Variants in FNBP4 observed in about 807,000 individuals in gnomAD.
FNBP4 encodes the protein formin-binding protein 4.
In FNBP4, 34 loss-of-function variants were observed where a neutral mutation model predicts 119.3. The ratio of observed to expected loss-of-function variants is 0.28; its 90% CI spans 0.22 to 0.38. FNBP4 has a LOEUF of 0.38. Among genes scored for constraint, FNBP4 ranks in the 10% least tolerant of loss-of-function variants. The pLI, the probability that FNBP4 is intolerant of heterozygous loss-of-function variation, is 1.00. For missense variants in FNBP4, 1,112 were observed against 1,228.9 expected, an observed-to-expected ratio of 0.90 and a Z score of 1.42; for synonymous variants, 462 against 430.6, an observed-to-expected ratio of 1.07 and a Z score of -0.90.
rs1421603411 is a variant in FNBP4, at chr11:47,732,982, G to A, written c.1687-312C>T. ...AAAATACAAAAATTAGCTGGGCTTG[G>A]TGGCAGGCGCCTGTAATCCCAGCTA... On this transcript the variant is annotated intron_variant, in intron 10 of 16. Coordinates refer to ENST00000263773, the MANE Select transcript of FNBP4 (RefSeq NM_015308.5). This position sits in a 1 kb window ranked among gnomAD's most constrained non-coding sequence, Gnocchi z 4.2. Among the ~76,000 whole-genome samples, 2 of 152,274 alleles carry A rather than the reference G, an allele frequency of 1.3e-5. No individual in the cohort carries two copies. The highest frequency in any genetic ancestry group is 3.9e-4 in the East Asian group (2 of 5,162).
intron 13 of FNBP4, 44 bp from the exon 14 acceptor site, chr11:47,724,216 A>G (rs779672201): frequency 6.2e-7 from 1 of 1,606,526 alleles, no homozygotes; most frequent in Non-Finnish European, 8.5e-7. Flanking sequence ...GGCCATGGTT[A>G]AACATAGCCC....
intron 8 of FNBP4, among the ~76,000 whole-genome samples, chr11:47,740,172 TG>T (rs1339349410): frequency 6.6e-6 from 1 of 151,690 alleles, no homozygotes; most frequent in Non-Finnish European, 1.5e-5. Flanking sequence ...CCAAGCACTT[TG>T]GGAGGCAGAG....
At chr11:47,742,123 A>G (rs2097582901) in intron 8 of FNBP4, among the ~76,000 whole-genome samples, 1 of 152,190 alleles carries the variant, frequency 6.6e-6, no homozygotes, top group Admixed American at 6.6e-5. Flanking sequence ...ACACTCATAC[A>G]TACCTAACTG....
chr11:47,738,800 C>G lies in FNBP4; in HGVS notation c.1457-2060G>C, dbSNP rs181009693. The stretch of plus-strand genomic sequence containing the variant: ...GGTTCAAGCAATTCTCCTGCCTCAG[C>G]CTTCCAAGTAGCTGGGGCTTCAGGT... On this transcript the variant is annotated intron_variant, in intron 8 of 16. Coordinates refer to ENST00000263773, the MANE Select transcript of FNBP4 (RefSeq NM_015308.5). 5.4e-3 allele frequency among the ~76,000 whole-genome samples: 814 copies of G among 149,592 alleles called. 4 individuals carry two copies. Among genetic ancestry groups the G allele is most frequent in the Middle Eastern group, 0.011 (3 of 272 alleles).
intron 2 of FNBP4, among the ~76,000 whole-genome samples, chr11:47,762,270 T>C (rs1013372996): frequency 2.0e-5 from 3 of 151,968 alleles, no homozygotes; most frequent in African/African-American, 7.3e-5. Context: ...TAGCTGGGAC[T>C]ACAGGTGCGT....
chr11:47,744,084 G>C lies in FNBP4; in HGVS notation c.1325C>G (p.Ser442Cys). ...CATAAGCCTACGCATTCCATCTTGA[G>C]ATGCTGGCTGGCTGATATCAGAACG... Reference protein sequence around the residue: ...SPRSDISQPASQDGMRRLMSK... With the variant: ...SPRSDISQPACQDGMRRLMSK... Residue 442 changes from serine to cysteine, a missense_variant, in exon 8 of 17, where the codon TCT (serine) becomes TGT (cysteine). Around this residue, in one of 2 missense-constraint regions of FNBP4, gnomAD observed 826 missense variants for 988.8 expected, o/e 0.84. Coordinates refer to ENST00000263773, the MANE Select transcript of FNBP4 (RefSeq NM_015308.5). The C allele has an allele frequency of 3.1e-6, 5 of 1,614,072 alleles. No homozygotes were observed. Among genetic ancestry groups the C allele is most frequent in the Non-Finnish European group, 4.2e-6 (5 of 1,180,016 alleles).
intron 8 of FNBP4, among the ~76,000 whole-genome samples, chr11:47,741,040 T>G (rs2097581257): frequency 6.6e-6 from 1 of 151,268 alleles, no homozygotes; most frequent in South Asian, 2.1e-4. Context: ...CAGCCTATTT[T>G]GCAGTTTTGG....
intron 8 of FNBP4, among the ~76,000 whole-genome samples, chr11:47,742,559 T>C (rs1254020567): frequency 6.7e-6 from 1 of 148,182 alleles, no homozygotes; most frequent in Non-Finnish European, 1.5e-5. Context: ...ATTTACAGAA[T>C]TTTCCTTTAT....
At chr11:47,749,096 A>AAAACAAAC (rs10688485) in intron 6 of FNBP4, among the ~76,000 whole-genome samples, 2,048 of 149,382 alleles carry the variant, frequency 0.014, 15 homozygotes, top group Non-Finnish European at 0.016. Context: ...CGTCTCTCAA[A>AAAACAAAC]AAACAAACAA....
intron 12 of FNBP4, chr11:47,729,826 C>T (rs1362702820): frequency 1.0e-6 from 1 of 985,402 alleles, no homozygotes; most frequent in South Asian, 4.7e-5. Flanking sequence ...GCTCTTAAAT[C>T]TCACAGAACT....
chr11:47,765,405 A>AAAAGAAAAGAAAAG, intron 1 of FNBP4, 43 bp from the exon 2 acceptor site: 1 of 1,379,662 alleles, frequency 7.2e-7, no homozygotes, highest in Non-Finnish European at 1.0e-6. Flanking sequence ...AAAAGAAAAG[A>AAAAGAAAAGAAAAG]AAAGAAAAGA....
chr11:47,728,025 T>C (rs532642430), intron 12 of FNBP4, among the ~76,000 whole-genome samples: 31 of 149,262 alleles, frequency 2.1e-4, no homozygotes, highest in South Asian at 4.3e-4. Context: ...ATTACAGGCA[T>C]GCGACCACGC....
chr11:47,718,676 CTA>C (rs2097552146), intron 16 of FNBP4, among the ~76,000 whole-genome samples: 1 of 152,168 alleles, frequency 6.6e-6, no homozygotes, highest in African/African-American at 2.4e-5. Context: ...TAATAGACAG[CTA>C]TATTCTAGGT....
intron 2 of FNBP4, among the ~76,000 whole-genome samples, chr11:47,761,895 A>G (rs2097635617): frequency 6.6e-6 from 1 of 151,826 alleles, no homozygotes; most frequent in Non-Finnish European, 1.5e-5. Context: ...CTGGAGTGCA[A>G]TGGCGTGATC....
At chr11:47,752,340 G>A (rs1259257950) in intron 4 of FNBP4, among the ~76,000 whole-genome samples, 1 of 151,368 alleles carries the variant, frequency 6.6e-6, no homozygotes, top group Admixed American at 6.6e-5. Flanking sequence ...CAGAAGAATT[G>A]GTTGAACCTG....
intron 8 of FNBP4, among the ~76,000 whole-genome samples, 160 bp from the exon 9 acceptor site, chr11:47,736,900 CTAT>C (rs1228232292): frequency 6.6e-6 from 1 of 152,102 alleles, no homozygotes; most frequent in Non-Finnish European, 1.5e-5. Flanking sequence ...AGCCTACTGT[CTAT>C]ATAACCCAAA....
In FNBP4 at chr11:47,724,144, G is replaced by C. The variant is rs138653244; in HGVS notation, c.2348C>G (p.Ser783Cys). 10,165 of 1,614,130 alleles carry C rather than the reference G, an allele frequency of 6.3e-3. 175 individuals carry two copies. Among genetic ancestry groups the C allele is most frequent in the Non-Finnish European group, 4.4e-3 (5,242 of 1,180,002 alleles). Reference protein sequence around the residue: ...QSSVDSTISSSSSTKGIKRKA... With the variant: ...QSSVDSTISSCSSTKGIKRKA... ...CCTCTTTATTCCTTTAGTGGAAGAA[G>C]AACTAGAGATGGTGGAATCAACTGA... Residue 783 changes from serine to cysteine, a missense_variant, in exon 14 of 17, where the codon TCT (serine) becomes TGT (cysteine). Physicochemically the swap from Ser to Cys is moderately radical, Grantham distance 112. This residue lies in a region of FNBP4 where 826 missense variants were observed against 988.8 expected (regional missense o/e 0.84). Coordinates refer to ENST00000263773, the MANE Select transcript of FNBP4 (RefSeq NM_015308.5).
At chr11:47,724,951 A>T (rs2097559422) in intron 12 of FNBP4, 173 bp from the exon 13 acceptor site, 7 of 955,060 alleles carry the variant, frequency 7.3e-6, no homozygotes, top group Non-Finnish European at 1.0e-5. Context: ...CCTTGAAAAA[A>T]ATTTGGCCCA....
At chr11:47,765,581 G>T (rs1292109319) in intron 1 of FNBP4, among the ~76,000 whole-genome samples, 3 of 68,546 alleles carry the variant, frequency 4.4e-5, no homozygotes, top group African/African-American at 8.0e-5. Context: ...GGGGGGGGGG[G>T]GCCACTTGAG....
Sources: allele counts gnomAD v4.1 joint callset (sites outside exome capture counted in the v4.1 genomes callset), GRCh38; gene constraint gnomAD v4.1.1; regional missense constraint gnomAD v4.1.1; non-coding constraint Gnocchi (gnomAD v3.1); transcripts MANE v1.5; gene names NCBI Gene and HGNC (gene_info 2026-07-23, HGNC 2026-07-21).